The following MBD5 variants were observed in gnomAD, a reference collection of about 807,000 sequenced individuals.
MBD5 encodes the protein methyl-CpG binding domain protein 5.
MBD5 carries 13 observed loss-of-function variants against 117.3 expected under a neutral mutation model. The ratio of observed to expected loss-of-function variants is 0.11; its 90% CI spans 0.07 to 0.18. The LOEUF is 0.18. Ranked by LOEUF, MBD5 falls within the 10% of genes least tolerant of loss-of-function variation. The pLI, the probability that MBD5 is intolerant of heterozygous loss-of-function variation, is 1.00. For missense variants in MBD5, 1,879 were observed against 2,093.8 expected (o/e 0.90, Z 2.00); for synonymous variants, 727 against 766.4 (o/e 0.95, Z 0.85).
intron 4 of MBD5, among the ~76,000 whole-genome samples, chr2:148,444,854 T>C (rs1706440069): frequency 6.6e-6 from 1 of 151,112 alleles, no homozygotes; most frequent in Non-Finnish European, 1.5e-5. Context: ...AGGACTACGT[T>C]CTCTTCATGT....
At chr2:148,488,704 T>G (rs964462149) in intron 10 of MBD5, among the ~76,000 whole-genome samples, 1 of 152,060 alleles carries the variant, frequency 6.6e-6, no homozygotes, top group East Asian at 1.9e-4. Flanking sequence ...TTTTTCAAAC[T>G]GCCCTCATCC....
intron 3 of MBD5, among the ~76,000 whole-genome samples, chr2:148,247,799 T>C (rs1042203306): frequency 7.9e-5 from 12 of 152,110 alleles, no homozygotes; most frequent in Non-Finnish European, 2.9e-5. Flanking sequence ...ATTAAAGATA[T>C]TCTAAAAGAA....
At chr2:148,330,088 TACAC>T (rs377202803) in intron 3 of MBD5, among the ~76,000 whole-genome samples, 2 of 40,390 alleles carry the variant, frequency 5.0e-5, no homozygotes, top group African/African-American at 1.5e-4. Flanking sequence ...CCTCCTGCCA[TACAC>T]ACACACACAC....
chr2:148,226,466 T>G (rs1442969818), intron 2 of MBD5, among the ~76,000 whole-genome samples: 1 of 152,222 alleles, frequency 6.6e-6, no homozygotes, highest in African/African-American at 2.4e-5. Context: ...GGCTGCATAG[T>G]ATTCCATGGT....
At chr2:148,494,923 A>T (rs1681653684) in intron 11 of MBD5, among the ~76,000 whole-genome samples, 1 of 152,196 alleles carries the variant, frequency 6.6e-6, no homozygotes, top group Non-Finnish European at 1.5e-5. Flanking sequence ...AGATCGCGCC[A>T]CTGCACTCCA....
At chr2:148,462,740 A>G (rs1574452071) in intron 6 of MBD5, 56 bp downstream of exon 6, 1 of 1,184,090 alleles carries the variant, frequency 8.4e-7, no homozygotes, top group South Asian at 1.3e-5. Flanking sequence ...TATTTTGTAT[A>G]TTTGTTTTTC....
intron 1 of MBD5, among the ~76,000 whole-genome samples, chr2:148,094,262 T>C (rs1696008927): frequency 6.6e-6 from 1 of 152,200 alleles, no homozygotes; most frequent in Admixed American, 6.5e-5. Flanking sequence ...CTACTGGCAG[T>C]ATTTTAAAGT....
In MBD5 at chr2:148,178,832, A is replaced by C. The variant is rs1574099965; in HGVS notation, c.-831+39A>C. On this transcript the variant is annotated intron_variant, in intron 2 of 13. Coordinates refer to ENST00000642680, the MANE Select transcript of MBD5 (RefSeq NM_001378120.1). Reference sequence around the variant, plus strand: ...ATAGCCCCATATATAATTTCATGTAAATGGTTAGGGTTGTCAGATTATAAT... The same window carrying C: ...ATAGCCCCATATATAATTTCATGTACATGGTTAGGGTTGTCAGATTATAAT... 5 of 397,814 alleles carry C rather than the reference A, an allele frequency of 1.3e-5. No individual in the cohort carries two copies. The East Asian group carries it at 1.8e-4, about 14-fold the overall frequency. 24.6% of individuals were successfully genotyped at this position (397,814 alleles called of 1,614,324 possible).
At chr2:148,297,259 A>G (rs903301638) in intron 3 of MBD5, among the ~76,000 whole-genome samples, 1 of 152,204 alleles carries the variant, frequency 6.6e-6, no homozygotes, top group African/African-American at 2.4e-5. Flanking sequence ...TCTGAATATT[A>G]GTCCTCAATA....
chr2:148,510,513 G>A (rs1404835233), intron 13 of MBD5, among the ~76,000 whole-genome samples: 3 of 152,198 alleles, frequency 2.0e-5, no homozygotes, highest in African/African-American at 4.8e-5. Flanking sequence ...AAAAGACAGT[G>A]GGGTCAAGAT....
At chr2:148,055,041 A>G (rs1397307897) in intron 1 of MBD5, 1 of 152,182 alleles carries the variant, frequency 6.6e-6, no homozygotes, top group Non-Finnish European at 1.5e-5. Context: ...ATATTTTTAT[A>G]TGTATATAAT....
chr2:148,454,608 G>A (rs550761582), intron 4 of MBD5, among the ~76,000 whole-genome samples: 12 of 152,172 alleles, frequency 7.9e-5, no homozygotes, highest in East Asian at 3.9e-4. Context: ...GACGAGAATC[G>A]TAATACTGGT....
At chr2:148,293,694 G>C (rs988144526) in intron 3 of MBD5, among the ~76,000 whole-genome samples, 2 of 152,030 alleles carry the variant, frequency 1.3e-5, no homozygotes, top group Non-Finnish European at 2.9e-5. Flanking sequence ...GATATTTTTT[G>C]TTCCTGATCT....
intron 3 of MBD5, among the ~76,000 whole-genome samples, chr2:148,235,924 G>A (rs145071474): frequency 8.6e-5 from 13 of 151,870 alleles, no homozygotes; most frequent in East Asian, 3.9e-4. Context: ...TCAGCCTCCC[G>A]AATAGCTGGG....
intron 1 of MBD5, among the ~76,000 whole-genome samples, chr2:148,086,455 T>A (rs980817686): frequency 2.6e-5 from 4 of 152,208 alleles, no homozygotes; most frequent in African/African-American, 9.6e-5. Context: ...GTTTATTTAA[T>A]GTACATAAGG....
In MBD5 at chr2:148,483,745, A is replaced by C. The variant is rs766374647; in HGVS notation, c.3154A>C (p.Ser1052Arg). ...DNSRAETLLT[S>R]PLGNPLPSFA... ...CAGCCGAGCTGAGACCCTTTTAACC[A>C]GCCCCCTGGGGAACCCTTTACCAAG... is the stretch of plus-strand genomic sequence containing the variant. Residue 1052 changes from serine to arginine, a missense_variant, in exon 9 of 14, where the codon AGC becomes CGC. By Grantham distance (110) the Ser-to-Arg change is moderately radical. Around this residue, in one of 4 missense-constraint regions of MBD5, gnomAD observed 1,666 missense variants for 1,792.2 expected, o/e 0.93. Coordinates refer to ENST00000642680, the MANE Select transcript of MBD5 (RefSeq NM_001378120.1). 1.9e-6 allele frequency: 3 copies of C among 1,550,412 alleles called. No homozygotes were observed. In the East Asian group the frequency reaches 7.3e-5, roughly 38 times the overall value.
intron 3 of MBD5, among the ~76,000 whole-genome samples, chr2:148,292,261 C>T (rs556852702): frequency 6.6e-6 from 1 of 152,170 alleles, no homozygotes; most frequent in African/African-American, 2.4e-5. Flanking sequence ...AGGAAACAGT[C>T]AAGAAAGTGA....
intron 8 of MBD5, among the ~76,000 whole-genome samples, chr2:148,476,384 G>T (rs1318154695): frequency 6.6e-6 from 1 of 152,148 alleles, no homozygotes; most frequent in African/African-American, 2.4e-5. Context: ...AAAGTTTCAT[G>T]AAACAAATAC....
At chr2:148,258,166 GCACCAGC>G in intron 3 of MBD5, among the ~76,000 whole-genome samples, 1 of 152,156 alleles carries the variant, frequency 6.6e-6, no homozygotes, top group African/African-American at 2.4e-5. Context: ...TGTCCGTGCA[GCACCAGC>G]TACACCACAT....
Sources: gnomAD v4.1 joint callset for allele counts (sites outside exome capture counted in the v4.1 genomes callset) on GRCh38, gnomAD v4.1.1 for gene constraint, gnomAD v4.1.1 regional missense constraint, MANE v1.5 for transcripts, NCBI Gene and HGNC (gene_info 2026-07-23, HGNC 2026-07-21) for gene names.